The following XPR1 variants were observed in gnomAD, a reference collection of about 807,000 sequenced individuals.
XPR1 encodes the protein xenotropic and polytropic retrovirus receptor 1.
In XPR1, 28 loss-of-function variants were observed where a neutral mutation model predicts 87.5. The observed-to-expected ratio is 0.32, with a 90% confidence interval of 0.24 to 0.44. XPR1 has a LOEUF of 0.44. XPR1 is among the 20% of genes least tolerant of loss of function. The pLI, the probability that XPR1 is intolerant of heterozygous loss-of-function variation, is 1.00. For missense variants in XPR1, 559 were observed against 862.3 expected, an observed-to-expected ratio of 0.65 and a Z score of 4.41; for synonymous variants, 300 against 306.1, an observed-to-expected ratio of 0.98 and a Z score of 0.21.
intron 7 of XPR1, among the ~76,000 whole-genome samples, chr1:180,823,340 G>A (rs1023566019): frequency 1.3e-5 from 2 of 152,096 alleles, no homozygotes; most frequent in Non-Finnish European, 2.9e-5. Flanking sequence ...CCAAATGGAA[G>A]TGTTTCTCAT....
intron 9 of XPR1, among the ~76,000 whole-genome samples, chr1:180,833,293 T>C (rs187015202): frequency 2.1e-4 from 32 of 152,348 alleles, no homozygotes; most frequent in African/African-American, 7.0e-4. Flanking sequence ...AACTAGGTAG[T>C]GTCATAATGA....
intron 12 of XPR1, among the ~76,000 whole-genome samples, chr1:180,866,843 G>T: frequency 7.5e-6 from 1 of 133,990 alleles, no homozygotes; most frequent in Admixed American, 7.5e-5. Context: ...CTAAGTTTTA[G>T]GGTACATGTG....
intron 1 of XPR1, among the ~76,000 whole-genome samples, chr1:180,656,546 T>TATTATATATA (rs1655523719): frequency 3.2e-5 from 3 of 93,500 alleles, no homozygotes; most frequent in Non-Finnish European, 6.0e-5. Context: ...ATAATATTTA[T>TATTATATATA]ATATTTATAT....
intron 2 of XPR1, among the ~76,000 whole-genome samples, chr1:180,703,680 C>T (rs1346836695): frequency 6.6e-6 from 1 of 152,116 alleles, no homozygotes; most frequent in African/African-American, 2.4e-5. Context: ...GATTTATTAG[C>T]TTGAATAGGG....
chr1:180,850,430 A>T (rs1360705607), intron 11 of XPR1, among the ~76,000 whole-genome samples: 2 of 152,086 alleles, frequency 1.3e-5, no homozygotes, highest in Non-Finnish European at 2.9e-5. Context: ...TATTTCTCAC[A>T]TTTCTAGAAT....
chr1:180,826,938 G>A (rs542666887), intron 9 of XPR1, among the ~76,000 whole-genome samples: 1 of 152,052 alleles, frequency 6.6e-6, no homozygotes, highest in South Asian at 2.1e-4. Context: ...TGGATCACCT[G>A]AAGTCCGGAG....
At chr1:180,769,078 T>TA (rs1245204706) in intron 2 of XPR1, among the ~76,000 whole-genome samples, 2 of 152,070 alleles carry the variant, frequency 1.3e-5, no homozygotes, top group South Asian at 2.1e-4. Context: ...TGTTTTTTTT[T>TA]AACTCAATAT....
chr1:180,778,304 G>T (rs1648801648), intron 2 of XPR1, among the ~76,000 whole-genome samples: 1 of 152,024 alleles, frequency 6.6e-6, no homozygotes, highest in Middle Eastern at 3.2e-3. Flanking sequence ...GATTTTAATA[G>T]GTATTCTACA....
chr1:180,671,235 G>C (rs1656158338), intron 1 of XPR1, among the ~76,000 whole-genome samples: 1 of 152,122 alleles, frequency 6.6e-6, no homozygotes, highest in South Asian at 2.1e-4. Flanking sequence ...TTTTTGGGTA[G>C]GAGAATCGGG....
intron 1 of XPR1, among the ~76,000 whole-genome samples, chr1:180,678,967 G>T (rs532021587): frequency 6.6e-6 from 1 of 152,038 alleles, no homozygotes; most frequent in East Asian, 1.9e-4. Context: ...AGGCCGAGGC[G>T]GGTGGATCAC....
At chr1:180,679,605 C>T (rs919744360) in intron 1 of XPR1, among the ~76,000 whole-genome samples, 34 of 152,170 alleles carry the variant, frequency 2.2e-4, no homozygotes, top group African/African-American at 6.5e-4. Context: ...ATACAGAGAA[C>T]TATTTCTCAT....
rs558130872 is a variant in XPR1, at chr1:180,768,079, C to T, written c.122-19674C>T. ...CAGGATGGTCTCAATCTCCTGACCT[C>T]GTGATCCACCCGCCTCGGCCTCCCA... On this transcript the variant is annotated intron_variant, in intron 2 of 14. Coordinates refer to ENST00000367590, the MANE Select transcript of XPR1 (RefSeq NM_004736.4). 1.2e-4 allele frequency among the ~76,000 whole-genome samples: 19 copies of T among 152,182 alleles called. No homozygotes were observed. The East Asian group carries it at 3.3e-3, about 26-fold the overall frequency.
chr1:180,714,639 A>T (rs1014689138), intron 2 of XPR1, among the ~76,000 whole-genome samples: 3 of 152,074 alleles, frequency 2.0e-5, no homozygotes, highest in South Asian at 4.2e-4. Flanking sequence ...TCCTGGGCTC[A>T]AGGGGTCCTC....
intron 2 of XPR1, among the ~76,000 whole-genome samples, chr1:180,745,346 CAGAG>C (rs1331626354): frequency 3.3e-5 from 5 of 152,102 alleles, no homozygotes; most frequent in Non-Finnish European, 7.4e-5. Context: ...GAGAGAGAGA[CAGAG>C]AGAGACAGCA....
intron 2 of XPR1, among the ~76,000 whole-genome samples, chr1:180,728,682 G>A (rs1658444892): frequency 6.6e-6 from 1 of 152,214 alleles, no homozygotes; most frequent in Admixed American, 6.5e-5. Context: ...TGAGGTAATG[G>A]AAGCTCAGAG....
Position 180,719,170 on chromosome 1 carries a change from G to T in XPR1, c.121+36759G>T, listed in dbSNP as rs1244775701. ...TGGGATATATAAATACCAAGGAAATGTACAGACATAGATTTATTGAACCTG... is the reference window on the plus strand; with the variant it reads ...TGGGATATATAAATACCAAGGAAATTTACAGACATAGATTTATTGAACCTG... On this transcript the variant is annotated intron_variant, in intron 2 of 14. Coordinates refer to ENST00000367590, the MANE Select transcript of XPR1 (RefSeq NM_004736.4). 1.3e-5 allele frequency among the ~76,000 whole-genome samples: 2 copies of T among 152,192 alleles called. 1 individual carries two copies. Among genetic ancestry groups the T allele is most frequent in the African/African-American group, 4.8e-5 (2 of 41,460 alleles).
chr1:180,638,120 A>G (rs1654847549), intron 1 of XPR1, among the ~76,000 whole-genome samples: 1 of 152,162 alleles, frequency 6.6e-6, no homozygotes, highest in African/African-American at 2.4e-5. Context: ...CTTTTCAGTT[A>G]TGTTCTCTCA....
At chr1:180,789,994 T>C (rs1347060961) in intron 3 of XPR1, among the ~76,000 whole-genome samples, 2 of 152,124 alleles carry the variant, frequency 1.3e-5, no homozygotes, top group African/African-American at 4.8e-5. Context: ...TTGTAAACCT[T>C]ATATCATTCT....
intron 14 of XPR1, among the ~76,000 whole-genome samples, chr1:180,881,229 T>C (rs1652843851): frequency 6.6e-6 from 1 of 151,846 alleles, no homozygotes; most frequent in Non-Finnish European, 1.5e-5. Context: ...AGTGGTGCAA[T>C]CTCCACTCAC....
Sources: gnomAD v4.1 joint callset for allele counts (sites outside exome capture counted in the v4.1 genomes callset) on GRCh38, gnomAD v4.1.1 for gene constraint, MANE v1.5 for transcripts, NCBI Gene and HGNC (gene_info 2026-07-23, HGNC 2026-07-21) for gene names.